Variants in TMT1A observed in about 807,000 individuals in gnomAD.
The protein encoded by TMT1A is thiol methyltransferase 1A, also known as thiol S-methyltransferase TMT1A.
chr12:50,930,111 G>A, the TMT1A span: 5 of 1,613,752 alleles, frequency 3.1e-6, no homozygotes, highest in Non-Finnish European at 3.4e-6. Context: ...TGTCCTGGGA[G>A]TTGGTGCGCC....
chr12:50,930,294 G>A, the TMT1A span: 54 of 631,850 alleles, frequency 8.5e-5, no homozygotes, highest in East Asian at 2.3e-4. Flanking sequence ...TTTTTTTGGC[G>A]GGAAGAAAGA....
At chr12:50,926,748 A>C in the TMT1A span, among the ~76,000 whole-genome samples, 1 of 151,506 alleles carries the variant, frequency 6.6e-6, no homozygotes, top group Non-Finnish European at 1.5e-5. Flanking sequence ...GGAGATACAT[A>C]TATGTGTATA....
chr12:50,927,340 T>C, the TMT1A span, among the ~76,000 whole-genome samples: 1 of 152,166 alleles, frequency 6.6e-6, no homozygotes, highest in South Asian at 2.1e-4. Flanking sequence ...AGTTTTATTT[T>C]CTAATAGAGG....
chr12:50,928,434 T>C, the TMT1A span, among the ~76,000 whole-genome samples: 1 of 152,208 alleles, frequency 6.6e-6, no homozygotes, highest in Non-Finnish European at 1.5e-5. Context: ...GGTTGCCCCC[T>C]TCGCAACTGA....
At chr12:50,926,836 T>C in the TMT1A span, among the ~76,000 whole-genome samples, 3 of 152,344 alleles carry the variant, frequency 2.0e-5, no homozygotes, top group East Asian at 5.8e-4. Context: ...GGGAAAGAAT[T>C]ACTTTTCATT....
At chr12:50,925,584 T>C in the TMT1A span, 6 of 1,578,582 alleles carry the variant, frequency 3.8e-6, no homozygotes, top group Admixed American at 5.2e-5. Context: ...GCTATTATCA[T>C]AGAGGGCAGG....
the TMT1A span, chr12:50,925,200 G>A: frequency 1.2e-6 from 2 of 1,614,214 alleles, no homozygotes; most frequent in Non-Finnish European, 1.7e-6. Flanking sequence ...TGGCAAGCAA[G>A]AAGCGGGAGC....
At chr12:50,925,461 G>C in the TMT1A span, 1 of 1,614,200 alleles carries the variant, frequency 6.2e-7, no homozygotes, top group Non-Finnish European at 8.5e-7. Flanking sequence ...TGGATGTGGT[G>C]GTCTGCACCC....
At chr12:50,925,084 A>T in the TMT1A span, 8 of 1,613,940 alleles carry the variant, frequency 5.0e-6, no homozygotes, top group Admixed American at 1.7e-5. Flanking sequence ...TTACATCCTG[A>T]CATTTCCCTT....
At chr12:50,927,622 C>G in the TMT1A span, among the ~76,000 whole-genome samples, 15 of 152,308 alleles carry the variant, frequency 9.8e-5, no homozygotes, top group East Asian at 2.7e-3. Context: ...TTATCACATT[C>G]GTGATAGTCT....
At chr12:50,929,513 G>A in the TMT1A span, among the ~76,000 whole-genome samples, 6 of 152,176 alleles carry the variant, frequency 3.9e-5, no homozygotes, top group Non-Finnish European at 4.4e-5. Flanking sequence ...CACATAACAT[G>A]TAATAACATC....
the TMT1A span, chr12:50,930,568 G>C: frequency 6.7e-6 from 1 of 150,126 alleles, no homozygotes; most frequent in East Asian, 2.0e-4. Context: ...GTGAGCAACC[G>C]CACCCAGCTT....
chr12:50,927,656 A>G, the TMT1A span, among the ~76,000 whole-genome samples: 6 of 151,880 alleles, frequency 4.0e-5, no homozygotes, highest in Non-Finnish European at 8.8e-5. Flanking sequence ...CCAAGCACCC[A>G]CTCTCTGCTG....
chr12:50,925,931 G>A, the TMT1A span, among the ~76,000 whole-genome samples: 4 of 141,112 alleles, frequency 2.8e-5, no homozygotes, highest in South Asian at 2.2e-4. Context: ...CAGGAGAATC[G>A]CTTGAACCTG....
At chr12:50,929,954 G>A in the TMT1A span, 1 of 1,613,954 alleles carries the variant, frequency 6.2e-7, no homozygotes, top group African/African-American at 1.3e-5. Flanking sequence ...GCAGCTGAGT[G>A]TTCGACTTGG....
chr12:50,930,336 A>G, the TMT1A span: 1 of 533,544 alleles, frequency 1.9e-6, no homozygotes, highest in Non-Finnish European at 3.3e-6. Context: ...CTGGAGTGCA[A>G]TGACGTGATC....
the TMT1A span, among the ~76,000 whole-genome samples, chr12:50,926,016 C>CAAAAAAAAA: frequency 2.1e-3 from 55 of 26,002 alleles, 2 homozygotes; most frequent in East Asian, 8.2e-3. Context: ...AACTCCATCT[C>CAAAAAAAAA]AAAAAAAAAA....
chr12:50,926,965 G>C, the TMT1A span, among the ~76,000 whole-genome samples: 5 of 152,258 alleles, frequency 3.3e-5, no homozygotes, highest in South Asian at 1.0e-3. Context: ...TGAAGATATG[G>C]ATATCTTAAC....
the TMT1A span, chr12:50,925,289 A>G: frequency 1.2e-6 from 2 of 1,614,190 alleles, no homozygotes; most frequent in African/African-American, 1.3e-5. Context: ...ACGGGGGCCA[A>G]CTTCAAGTTC....
Sources: gnomAD v4.1 joint callset for allele counts (sites outside exome capture counted in the v4.1 genomes callset) on GRCh38, gnomAD v4.1.1 for gene constraint, MANE v1.5 for transcripts, NCBI Gene and HGNC (gene_info 2026-07-23, HGNC 2026-07-21) for gene names.